Variants in AK9 observed in about 807,000 individuals in gnomAD.
AK9 encodes adenylate kinase 9.
Under a neutral mutation model 239.6 loss-of-function variants are expected in AK9, and 191 were observed. The ratio of observed to expected loss-of-function variants is 0.80; its 90% confidence interval spans 0.71 to 0.90. The LOEUF (loss-of-function observed/expected upper bound fraction) is 0.90. Ranked by LOEUF, AK9 falls within the 40% of genes least tolerant of loss-of-function variation. The pLI is 0.00. For missense variants in AK9, 1,995 were observed against 2,214.7 expected, an observed-to-expected ratio of 0.90 and a Z score of 1.99; for synonymous variants, 689 against 721.0, an observed-to-expected ratio of 0.96 and a Z score of 0.71.
At chr6:109,504,716 C>A (rs1358341429) in intron 35 of AK9, among the ~76,000 whole-genome samples, 1 of 152,014 alleles carries the variant, frequency 6.6e-6, no homozygotes, top group African/African-American at 2.4e-5. Context: ...GGCTGAGGCA[C>A]AAGAATTGCT....
At chr6:109,647,161 T>C (rs1193831599) in intron 8 of AK9, among the ~76,000 whole-genome samples, 1 of 152,194 alleles carries the variant, frequency 6.6e-6, no homozygotes, top group Non-Finnish European at 1.5e-5. Flanking sequence ...GCATCAAGGC[T>C]AGGAAGAAAC....
chr6:109,595,613 G>A (rs1031016203), intron 17 of AK9, among the ~76,000 whole-genome samples: 29 of 152,084 alleles, frequency 1.9e-4, no homozygotes, highest in African/African-American at 6.8e-4. Context: ...AATGCCCATC[G>A]ATGATAGACT....
chr6:109,576,609 T>TATGATAAATG (rs1203558821), intron 20 of AK9, among the ~76,000 whole-genome samples: 1 of 151,938 alleles, frequency 6.6e-6, no homozygotes, highest in Admixed American at 6.6e-5. Flanking sequence ...TTTCTAGGTA[T>TATGATAAATG]ATGATCATAT....
chr6:109,677,527 T>C (rs1771933994), intron 1 of AK9, among the ~76,000 whole-genome samples: 1 of 152,048 alleles, frequency 6.6e-6, no homozygotes, highest in Non-Finnish European at 1.5e-5. Context: ...TAAGAGTCTG[T>C]GTGTGTGTGA....
chr6:109,528,310 T>C (rs896058697), intron 29 of AK9: 8 of 354,682 alleles, frequency 2.3e-5, no homozygotes, highest in African/African-American at 1.3e-4. Flanking sequence ...TTTCAGAACA[T>C]GTTTGATGAG....
chr6:109,685,903 G>T (rs1773441750), intron 1 of AK9, among the ~76,000 whole-genome samples: 1 of 152,152 alleles, frequency 6.6e-6, no homozygotes, highest in Non-Finnish European at 1.5e-5. Context: ...GTAGAAGCTA[G>T]ACAGAGCACA....
At chr6:109,610,731 TA>T (rs1257111247) in intron 16 of AK9, among the ~76,000 whole-genome samples, 2 of 152,050 alleles carry the variant, frequency 1.3e-5, no homozygotes, top group Non-Finnish European at 2.9e-5. Flanking sequence ...TTAAAGCCAG[TA>T]CAGCAGAATG....
Position 109,525,450 on chromosome 6 carries a change from T to A in AK9, c.3633+3561A>T, listed in dbSNP as rs1396321934. The stretch of plus-strand genomic sequence containing the variant: ...CTAATATCCAGAATCTATAAGGAAC[T>A]TAAACAAATCAACAAGCCCAAAACA... On this transcript the variant is annotated intron_variant, in intron 29 of 40. Transcript: ENST00000424296. Among the ~76,000 whole-genome samples, 3 of 152,016 alleles carry A rather than the reference T, an allele frequency of 2.0e-5. No homozygotes were observed. The East Asian group carries it at 5.8e-4, about 29-fold the overall frequency.
In AK9 at chr6:109,529,318, A is replaced by C. The variant is rs547708684; in HGVS notation, c.3571-245T>G. ...CTTGGGGTCAGTTACTCTTTCCACAAAGTTTAGAACTCCTTTTCAAAATTT... is the reference window on the plus strand; with the variant it reads ...CTTGGGGTCAGTTACTCTTTCCACACAGTTTAGAACTCCTTTTCAAAATTT... On this transcript the variant is annotated intron_variant, in intron 28 of 40. Transcript: ENST00000424296. 2.6e-5 allele frequency among the ~76,000 whole-genome samples: 4 copies of C among 152,178 alleles called. No individual in the cohort carries two copies. The South Asian group carries it at 8.3e-4, about 32-fold the overall frequency.
intron 21 of AK9, among the ~76,000 whole-genome samples, chr6:109,572,368 G>A (rs932308807): frequency 3.9e-5 from 6 of 152,192 alleles, no homozygotes; most frequent in African/African-American, 1.4e-4. Context: ...TCAATGAAAT[G>A]TAGGTGAAAG....
At chr6:109,496,858 C>T (rs919376679) in intron 38 of AK9, among the ~76,000 whole-genome samples, 15 of 152,126 alleles carry the variant, frequency 9.9e-5, no homozygotes, top group East Asian at 3.9e-4. Flanking sequence ...GATTCCAACA[C>T]GGACCTCACT....
chr6:109,617,296 T>C (rs1263190546), intron 13 of AK9, among the ~76,000 whole-genome samples: 1 of 152,144 alleles, frequency 6.6e-6, no homozygotes, highest in Non-Finnish European at 1.5e-5. Context: ...TCCTAACATC[T>C]AGTACAGTTT....
chr6:109,579,767 A>G, intron 19 of AK9, 141 bp from the exon 20 acceptor site: 1 of 714,878 alleles, frequency 1.4e-6, no homozygotes, highest in Non-Finnish European at 2.1e-6. Context: ...TAAATTACTC[A>G]TGTTGAGACT....
At chr6:109,651,962 C>T (rs9487183) in intron 8 of AK9, among the ~76,000 whole-genome samples, 95,228 of 151,894 alleles carry the variant, frequency 0.63, 30,509 homozygotes, top group East Asian at 0.84. Context: ...CACAGCCAAA[C>T]TCTACCAGAG....
At chr6:109,585,483 C>G (rs1789389122) in intron 18 of AK9, among the ~76,000 whole-genome samples, 1 of 151,970 alleles carries the variant, frequency 6.6e-6, no homozygotes, top group South Asian at 2.1e-4. Flanking sequence ...TTATATTTTT[C>G]CCCTGGCAAT....
chr6:109,679,331 A>T (rs975732924), intron 1 of AK9, among the ~76,000 whole-genome samples: 2 of 120,802 alleles, frequency 1.7e-5, no homozygotes, highest in Non-Finnish European at 3.5e-5. Context: ...GTGTAAACAA[A>T]GCCTTGGGGA....
chr6:109,653,306 G>A (rs1583443436), intron 8 of AK9, among the ~76,000 whole-genome samples: 1 of 152,106 alleles, frequency 6.6e-6, no homozygotes, highest in South Asian at 2.1e-4. Flanking sequence ...GCCCTAACCC[G>A]CAATGTATGA....
chr6:109,577,847 CCTCT>C (rs372534527), intron 20 of AK9, among the ~76,000 whole-genome samples: 25 of 150,934 alleles, frequency 1.7e-4, no homozygotes, highest in African/African-American at 1.7e-4. Flanking sequence ...TTCCTTCCTT[CCTCT>C]CTCTTTTTCT....
intron 12 of AK9, among the ~76,000 whole-genome samples, chr6:109,623,353 T>C (rs1244265664): frequency 6.6e-6 from 1 of 152,172 alleles, no homozygotes; most frequent in African/African-American, 2.4e-5. Flanking sequence ...CTTTTAAGAC[T>C]AAGTCATGAA....
Sources: gnomAD v4.1 joint callset for allele counts (sites outside exome capture counted in the v4.1 genomes callset) on GRCh38, gnomAD v4.1.1 for gene constraint, MANE v1.5 for transcripts, NCBI Gene and HGNC (gene_info 2026-07-23, HGNC 2026-07-21) for gene names.